The following CPEB4 variants were observed in gnomAD, a reference collection of about 807,000 sequenced individuals.
CPEB4 encodes cytoplasmic polyadenylation element binding protein 4.
CPEB4 carries 12 observed loss-of-function variants against 72.5 expected under a neutral mutation model. That is an observed-to-expected ratio of 0.17 (90% CI 0.11 to 0.27). The LOEUF is 0.27. CPEB4 is among the 10% of genes least tolerant of loss of function. The probability of loss-of-function intolerance (pLI) is 1.00; values close to 1 mark genes in which losing one functional copy is unlikely to be tolerated. For synonymous variants in CPEB4, 302 were observed against 326.3 expected (o/e 0.93, Z 0.80); for missense variants, 614 against 908.5 (o/e 0.68, Z 4.17).
At position 173,888,562 on chromosome 5, in the gene CPEB4, A is replaced by G; in HGVS notation, c.-1172A>G. ...CGGCGACGGCGGCGACGGCCCAGCA[A>G]CCGTGAGGAGAAACAAAAGCCTTCT... On this transcript the variant is annotated 5_prime_UTR_variant, in exon 1 of 10. Coordinates refer to ENST00000265085, the MANE Select transcript of CPEB4 (RefSeq NM_030627.4). The surrounding 1 kb of genome is among the most constrained non-coding windows in gnomAD (Gnocchi z 4.3). The G allele has an allele frequency of 2.5e-6, 1 of 403,294 alleles. No individual in the cohort carries two copies. The highest frequency in any genetic ancestry group is 4.4e-6 in the Non-Finnish European group (1 of 229,198). 25.0% of individuals were successfully genotyped at this position (403,294 alleles called of 1,614,324 possible).
intron 3 of CPEB4, among the ~76,000 whole-genome samples, chr5:173,935,115 T>C (rs553635571): frequency 6.6e-6 from 1 of 152,148 alleles, no homozygotes; most frequent in Non-Finnish European, 1.5e-5. Flanking sequence ...ACGTAGTAAG[T>C]CAAAATAAGA....
At chr5:173,920,257 G>A (rs1225759467) in intron 2 of CPEB4, among the ~76,000 whole-genome samples, 1 of 152,216 alleles carries the variant, frequency 6.6e-6, no homozygotes, top group Non-Finnish European at 1.5e-5. Flanking sequence ...TTGGAATCCA[G>A]TTGGGTTGAT....
chr5:173,910,861 C>A (rs1316279765), intron 2 of CPEB4: 2 of 408,476 alleles, frequency 4.9e-6, no homozygotes, highest in African/African-American at 4.1e-5. Flanking sequence ...CTCAAAGACA[C>A]CAACTACATA....
At chr5:173,929,471 G>A (rs1312166684) in intron 2 of CPEB4, among the ~76,000 whole-genome samples, 1 of 152,160 alleles carries the variant, frequency 6.6e-6, no homozygotes, top group African/African-American at 2.4e-5. Flanking sequence ...GGCTGAGGTG[G>A]GAGGATTGCT....
chr5:173,928,201 T>C (rs1364035298), intron 2 of CPEB4, among the ~76,000 whole-genome samples: 1 of 152,204 alleles, frequency 6.6e-6, no homozygotes, highest in Non-Finnish European at 1.5e-5. Context: ...CTTTGTATGA[T>C]ACCATAATGG....
intron 1 of CPEB4, among the ~76,000 whole-genome samples, chr5:173,907,209 G>A (rs1416295926): frequency 6.6e-6 from 1 of 152,228 alleles, no homozygotes; most frequent in African/African-American, 2.4e-5. Context: ...GGAGGTTGCA[G>A]TGAGCCTAGA....
chr5:173,905,079 T>C (rs1381195698), intron 1 of CPEB4, among the ~76,000 whole-genome samples: 1 of 151,406 alleles, frequency 6.6e-6, no homozygotes, highest in African/African-American at 2.4e-5. Flanking sequence ...GTACCTAGAA[T>C]AATATCAGGT....
At chr5:173,944,038 A>G (rs979729702) in intron 4 of CPEB4, among the ~76,000 whole-genome samples, 7 of 152,186 alleles carry the variant, frequency 4.6e-5, no homozygotes, top group Non-Finnish European at 1.0e-4. Flanking sequence ...GTAAATATGG[A>G]AAGACTGTTA....
intron 1 of CPEB4, among the ~76,000 whole-genome samples, chr5:173,908,603 A>G (rs567461653): frequency 6.6e-6 from 1 of 152,348 alleles, no homozygotes; most frequent in Non-Finnish European, 1.5e-5. Context: ...TCCCTATTTC[A>G]GGGAAGCAGA....
chr5:173,889,575 G>C lies in CPEB4; in HGVS notation c.-159G>C. 1 of 576,502 alleles carries C rather than the reference G, an allele frequency of 1.7e-6. No individual in the cohort carries two copies. Among genetic ancestry groups the C allele is most frequent in the Non-Finnish European group, 3.0e-6 (1 of 334,608 alleles). The allele number at this position is 576,502 out of a possible 1,614,324, so 35.7% of individuals were successfully genotyped here. A position where few individuals can be genotyped will look rare whatever the true frequency, so the allele number is the denominator to read the frequency against. ...TTTCAGAGACCAGAATTCCAAATCA[G>C]AACAATTTAAGGTGATAAGCTGCGA... is the stretch of plus-strand genomic sequence containing the variant. On this transcript the variant is annotated 5_prime_UTR_variant, in exon 1 of 10. Coordinates refer to ENST00000265085, the MANE Select transcript of CPEB4 (RefSeq NM_030627.4).
chr5:173,905,801 T>G (rs1236848214), intron 1 of CPEB4, among the ~76,000 whole-genome samples: 1 of 152,204 alleles, frequency 6.6e-6, no homozygotes, highest in African/African-American at 2.4e-5. Context: ...CTGTAAATCT[T>G]GAAAGAACAA....
chr5:173,897,133 C>A (rs1373678061), intron 1 of CPEB4, among the ~76,000 whole-genome samples: 4 of 152,088 alleles, frequency 2.6e-5, no homozygotes, highest in Admixed American at 2.0e-4. Context: ...ATAGATGCAA[C>A]CCCAGACAGA....
chr5:173,944,880 G>T, intron 4 of CPEB4, 87 bp from the exon 5 acceptor site: 1 of 1,123,796 alleles, frequency 8.9e-7, no homozygotes, highest in South Asian at 1.5e-5. Flanking sequence ...CAGTTTTATT[G>T]AATCTGCTGT....
intron 2 of CPEB4, among the ~76,000 whole-genome samples, chr5:173,929,201 G>A (rs1384696849): frequency 6.6e-6 from 1 of 152,166 alleles, no homozygotes; most frequent in Non-Finnish European, 1.5e-5. Flanking sequence ...CACCTCCTTT[G>A]GTTGTGGGAG....
intron 2 of CPEB4, among the ~76,000 whole-genome samples, chr5:173,920,690 A>T (rs12515694): frequency 7.2e-5 from 11 of 152,216 alleles, no homozygotes; most frequent in Admixed American, 7.2e-4. Context: ...TCTTTACATT[A>T]CCATCAGCAA....
chr5:173,889,670 A>G lies in CPEB4; in HGVS notation c.-64A>G. ...ACAACTTAAATTTGGGGTAGAGGAA[A>G]AAAAAGGCGTGAGACATCAGGTTGT... On this transcript the variant is annotated 5_prime_UTR_variant, in exon 1 of 10. Coordinates refer to ENST00000265085, the MANE Select transcript of CPEB4 (RefSeq NM_030627.4). 2 of 1,426,146 alleles carry G rather than the reference A, an allele frequency of 1.4e-6. No individual in the cohort carries two copies. Among genetic ancestry groups the G allele is most frequent in the Non-Finnish European group, 9.5e-7 (1 of 1,055,246 alleles). 88.3% of individuals were successfully genotyped at this position (1,426,146 alleles called of 1,614,324 possible). A position where few individuals can be genotyped will look rare whatever the true frequency, so the allele number is the denominator to read the frequency against.
chr5:173,911,304 C>G (rs1331903032), intron 2 of CPEB4, among the ~76,000 whole-genome samples: 1 of 151,460 alleles, frequency 6.6e-6, no homozygotes, highest in East Asian at 1.9e-4. Flanking sequence ...GGAGTCTTGC[C>G]CTGTCGCCAG....
At chr5:173,952,033 C>T (rs1758232060) in intron 8 of CPEB4, 95 bp downstream of exon 8, 1 of 801,210 alleles carries the variant, frequency 1.2e-6, no homozygotes, top group Admixed American at 2.0e-5. Context: ...AGTTAATATC[C>T]AAGAGTGAGA....
intron 1 of CPEB4, among the ~76,000 whole-genome samples, chr5:173,895,724 A>T (rs1755982236): frequency 6.6e-6 from 1 of 152,198 alleles, no homozygotes; most frequent in Admixed American, 6.5e-5. Context: ...TAGATCTAGC[A>T]GAACTGACAT....
Sources: allele counts gnomAD v4.1 joint callset (sites outside exome capture counted in the v4.1 genomes callset), GRCh38; gene constraint gnomAD v4.1.1; non-coding constraint Gnocchi (gnomAD v3.1); transcripts MANE v1.5; gene names NCBI Gene and HGNC (gene_info 2026-07-23, HGNC 2026-07-21).